The following ENTPD1 variants were observed in gnomAD, a reference collection of about 807,000 sequenced individuals.
The protein encoded by ENTPD1 is ATP diphosphohydrolase.
Under a neutral mutation model 57.0 loss-of-function variants are expected in ENTPD1, and 33 were observed. The observed-to-expected ratio is 0.58, with a 90% CI of 0.44 to 0.77. ENTPD1 has a LOEUF of 0.77. Among genes scored for constraint, ENTPD1 ranks in the 30% least tolerant of loss-of-function variants. ENTPD1 has a pLI of 0.00. For missense variants in ENTPD1, 501 were observed against 603.4 expected, an observed-to-expected ratio of 0.83 and a Z score of 1.78; for synonymous variants, 202 against 218.8, an observed-to-expected ratio of 0.92 and a Z score of 0.68.
At chr10:95,748,772 A>G (rs2098008767) in intron 1 of ENTPD1, among the ~76,000 whole-genome samples, 1 of 152,140 alleles carries the variant, frequency 6.6e-6, no homozygotes, top group Non-Finnish European at 1.5e-5. Flanking sequence ...TATCTTTTAA[A>G]TCTCTTTTAA....
intron 1 of ENTPD1, among the ~76,000 whole-genome samples, chr10:95,801,052 G>A (rs2098247330): frequency 6.6e-6 from 1 of 152,148 alleles, no homozygotes; most frequent in African/African-American, 2.4e-5. Flanking sequence ...GTAAAGACAG[G>A]CATAAGAAAT....
the ENTPD1 span, among the ~76,000 whole-genome samples, chr10:95,695,553 T>C: frequency 6.6e-6 from 1 of 152,218 alleles, no homozygotes; most frequent in Non-Finnish European, 1.5e-5. Flanking sequence ...TAGCTAAAAG[T>C]CTCTCTGTGT....
chr10:95,757,741 G>A (rs534921806), intron 1 of ENTPD1, among the ~76,000 whole-genome samples: 10 of 152,000 alleles, frequency 6.6e-5, no homozygotes, highest in Admixed American at 2.0e-4. Flanking sequence ...GTGGTGGCTC[G>A]CACCTGTAAT....
intron 1 of ENTPD1, among the ~76,000 whole-genome samples, chr10:95,794,159 A>G (rs2098216887): frequency 1.3e-5 from 2 of 152,188 alleles, no homozygotes; most frequent in Admixed American, 1.3e-4. Flanking sequence ...ATAGAAACTC[A>G]TTGAATTTTA....
At chr10:95,762,863 A>T (rs1055935095) in intron 1 of ENTPD1, among the ~76,000 whole-genome samples, 16 of 152,036 alleles carry the variant, frequency 1.1e-4, no homozygotes, top group Non-Finnish European at 2.4e-4. Flanking sequence ...TTTGTTTTTA[A>T]ATAATTTTAT....
intron 1 of ENTPD1, among the ~76,000 whole-genome samples, chr10:95,719,790 G>C (rs2097975547): frequency 6.6e-6 from 1 of 152,238 alleles, no homozygotes; most frequent in Non-Finnish European, 1.5e-5. Flanking sequence ...ATAGATGGGG[G>C]CTATCCCTGA....
At chr10:95,748,478 G>C (rs1402311691) in intron 1 of ENTPD1, among the ~76,000 whole-genome samples, 2 of 152,180 alleles carry the variant, frequency 1.3e-5, no homozygotes, top group Non-Finnish European at 2.9e-5. Flanking sequence ...AGCTTCAGCA[G>C]TTATAATGTC....
At chr10:95,839,934 C>G in intron 3 of ENTPD1, 126 bp downstream of exon 3, 2 of 881,468 alleles carry the variant, frequency 2.3e-6, no homozygotes, top group Non-Finnish European at 3.7e-6. Flanking sequence ...GAAAACAGTG[C>G]AGCTGCTGTT....
intron 1 of ENTPD1, among the ~76,000 whole-genome samples, chr10:95,748,169 G>A (rs933577690): frequency 6.6e-6 from 1 of 152,070 alleles, no homozygotes; most frequent in Non-Finnish European, 1.5e-5. Flanking sequence ...CACCGCACCC[G>A]GCCCAAATTA....
At chr10:95,722,817 G>A (rs1444907415) in intron 1 of ENTPD1, among the ~76,000 whole-genome samples, 1 of 152,212 alleles carries the variant, frequency 6.6e-6, no homozygotes, top group Admixed American at 6.5e-5. Context: ...GAAATCTGCT[G>A]GGTTAAGGGA....
intron 1 of ENTPD1, among the ~76,000 whole-genome samples, chr10:95,735,364 A>G (rs1348449444): frequency 2.0e-5 from 3 of 152,194 alleles, no homozygotes; most frequent in Non-Finnish European, 4.4e-5. Context: ...TCTTTCAGTC[A>G]AAGTCAAAAG....
rs1270404869 is a variant in ENTPD1, at chr10:95,873,120, CA to C, written c.*6739del. The C allele has an allele frequency of 2.5e-5, 24 of 973,006 alleles. No homozygotes were observed. The highest frequency in any genetic ancestry group is 2.8e-5 in the Non-Finnish European group (23 of 818,886). 60.3% of individuals were successfully genotyped at this position (973,006 alleles called of 1,614,324 possible). On this transcript the variant is annotated 3_prime_UTR_variant, in exon 10 of 10. Coordinates refer to ENST00000371205, the MANE Select transcript of ENTPD1 (RefSeq NM_001776.6). ...GGTGAGGCCTGAGGTTTTACATTTCCAACAAGCTGCCAGGTAAAGCCAATAC... is the reference window on the plus strand; with the variant it reads ...GGTGAGGCCTGAGGTTTTACATTTCCACAAGCTGCCAGGTAAAGCCAATAC...
At chr10:95,756,044 C>T, upstream of ENTPD1, 1 of 1,478,226 alleles carries the variant, frequency 6.8e-7, no homozygotes, top group South Asian at 1.4e-5. Flanking sequence ...TCAATCTGTC[C>T]TTTCTAGTCA....
intron 1 of ENTPD1, among the ~76,000 whole-genome samples, chr10:95,759,611 T>G (rs1162376240): frequency 6.6e-6 from 1 of 152,226 alleles, no homozygotes; most frequent in Non-Finnish European, 1.5e-5. Context: ...CCCTTTCCTC[T>G]TCCTGGCATA....
chr10:95,819,421 C>T (rs1201269183), intron 1 of ENTPD1, among the ~76,000 whole-genome samples: 1 of 152,112 alleles, frequency 6.6e-6, no homozygotes, highest in Non-Finnish European at 1.5e-5. Context: ...ACCTTTGCCT[C>T]CCAAAGTGCT....
Position 95,876,313 on chromosome 10 carries a change from A to G in ENTPD1, c.*9930A>G. 1.0e-6 allele frequency: 1 copy of G among 985,098 alleles called. No homozygotes were observed. The highest frequency in any genetic ancestry group is 1.2e-6 in the Non-Finnish European group (1 of 829,596). The allele number at this position is 985,098 out of a possible 1,614,324, so 61.0% of individuals were successfully genotyped here. A position where few individuals can be genotyped will look rare whatever the true frequency, so the allele number is the denominator to read the frequency against. The stretch of plus-strand genomic sequence containing the variant: ...ATTATGAAATGACTTTTGGCCTAGT[A>G]ACAATGAAAATGGGGGCAAATACAG... On this transcript the variant is annotated 3_prime_UTR_variant, in exon 10 of 10. Coordinates refer to ENST00000371205, the MANE Select transcript of ENTPD1 (RefSeq NM_001776.6).
At chr10:95,852,438 G>C (rs545752169) in intron 7 of ENTPD1, among the ~76,000 whole-genome samples, 16 of 152,274 alleles carry the variant, frequency 1.1e-4, no homozygotes, top group African/African-American at 3.4e-4. Flanking sequence ...AGTTTAATTA[G>C]ATCCCATTTG....
chr10:95,809,278 C>T (rs1004572866), intron 1 of ENTPD1, among the ~76,000 whole-genome samples: 1 of 152,068 alleles, frequency 6.6e-6, no homozygotes, highest in Non-Finnish European at 1.5e-5. Context: ...GAGGCACCCC[C>T]CACATCCCAG....
In ENTPD1 at chr10:95,872,026, A is replaced by G. The variant is rs1479710738; in HGVS notation, c.*5643A>G. ...CATGATTAATGCCACCCCTGCCTCA[A>G]TGAACCAAGATCAGCTCCATCACTG... On this transcript the variant is annotated 3_prime_UTR_variant, in exon 10 of 10. Transcript: ENST00000371205. 7.1e-6 allele frequency: 7 copies of G among 985,268 alleles called. No individual in the cohort carries two copies. Among genetic ancestry groups the G allele is most frequent in the Non-Finnish European group, 7.2e-6 (6 of 829,920 alleles). 61.0% of individuals were successfully genotyped at this position (985,268 alleles called of 1,614,324 possible). A position where few individuals can be genotyped will look rare whatever the true frequency, so the allele number is the denominator to read the frequency against.
Sources: allele counts gnomAD v4.1 joint callset (sites outside exome capture counted in the v4.1 genomes callset), GRCh38; gene constraint gnomAD v4.1.1; transcripts MANE v1.5; gene names NCBI Gene and HGNC (gene_info 2026-07-23, HGNC 2026-07-21).